MNAT1: variants seen among roughly 807,000 people sequenced by gnomAD.
MNAT1 encodes MNAT1 component of CDK activating kinase, also known as CDK-activating kinase assembly factor MAT1.
In MNAT1, 43 loss-of-function variants were observed where a neutral mutation model predicts 42.0. That is an observed-to-expected ratio of 1.02 (90% CI 0.80 to 1.32). The LOEUF (loss-of-function observed/expected upper bound fraction) is 1.32. Among genes scored for constraint, MNAT1 ranks in the 40% most tolerant of loss-of-function variants. The pLI, the probability that MNAT1 is intolerant of heterozygous loss-of-function variation, is 0.00. For synonymous variants in MNAT1, 118 were observed against 120.0 expected (o/e 0.98, Z 0.11); for missense variants, 306 against 350.4 (o/e 0.87, Z 1.01).
intron 3 of MNAT1, among the ~76,000 whole-genome samples, chr14:60,804,808 A>G (rs2032318394): frequency 6.6e-6 from 1 of 152,232 alleles, no homozygotes; most frequent in Non-Finnish European, 1.5e-5. Flanking sequence ...GTTTTTGATA[A>G]GCATAAAAGA....
At chr14:60,778,787 C>T (rs1362705084) in intron 1 of MNAT1, among the ~76,000 whole-genome samples, 1 of 152,158 alleles carries the variant, frequency 6.6e-6, no homozygotes, top group African/African-American at 2.4e-5. Flanking sequence ...TGATCCTCTA[C>T]AAGGATGGGT....
chr14:60,968,764 C>G lies in MNAT1; in HGVS notation c.*415C>G. ...TGATTACAACATTTACTGTTAATATCCAAGTCTATTATTTCTTCTCATAAA... is the reference window on the plus strand; with the variant it reads ...TGATTACAACATTTACTGTTAATATGCAAGTCTATTATTTCTTCTCATAAA... On this transcript the variant is annotated 3_prime_UTR_variant, in exon 8 of 8. Transcript: ENST00000261245. 1 of 276,744 alleles carries G rather than the reference C, an allele frequency of 3.6e-6. No individual in the cohort carries two copies. The highest frequency in any genetic ancestry group is 6.9e-6 in the Non-Finnish European group (1 of 144,438). 17.1% of individuals were successfully genotyped at this position (276,744 alleles called of 1,614,324 possible).
chr14:60,851,381 A>G (rs2033816158), intron 6 of MNAT1, among the ~76,000 whole-genome samples: 1 of 151,868 alleles, frequency 6.6e-6, no homozygotes, highest in African/African-American at 2.4e-5. Flanking sequence ...TGCTCTGCAG[A>G]TACTGCGTTT....
chr14:60,910,233 A>G (rs1462114775), intron 7 of MNAT1, among the ~76,000 whole-genome samples: 2 of 152,176 alleles, frequency 1.3e-5, no homozygotes, highest in Non-Finnish European at 2.9e-5. Flanking sequence ...GGCCGAGATG[A>G]TGGGGTTTTC....
intron 6 of MNAT1, among the ~76,000 whole-genome samples, chr14:60,869,040 A>ATATATATATATAT (rs1465360826): frequency 5.3e-5 from 6 of 113,056 alleles, no homozygotes; most frequent in African/African-American, 1.0e-4. Context: ...ATATATATAT[A>ATATATATATATAT]TTTTTTTTTT....
chr14:60,765,646 A>G (rs2030785215), intron 1 of MNAT1, among the ~76,000 whole-genome samples: 1 of 152,228 alleles, frequency 6.6e-6, no homozygotes, highest in Non-Finnish European at 1.5e-5. Context: ...ATTAAAAAAC[A>G]ATAGAGCTTT....
chr14:60,944,633 C>T (rs1259390136), intron 7 of MNAT1, among the ~76,000 whole-genome samples: 2 of 152,136 alleles, frequency 1.3e-5, no homozygotes, highest in East Asian at 3.8e-4. Context: ...CCCCATAGTA[C>T]TGGTCTCAGG....
chr14:60,861,341 A>G (rs1283139900), intron 6 of MNAT1, among the ~76,000 whole-genome samples: 1 of 152,168 alleles, frequency 6.6e-6, no homozygotes, highest in African/African-American at 2.4e-5. Flanking sequence ...AAGGATATAA[A>G]TTATTTAAAA....
chr14:60,913,316 C>T (rs1055305488), intron 7 of MNAT1, among the ~76,000 whole-genome samples: 1 of 152,096 alleles, frequency 6.6e-6, no homozygotes, highest in Non-Finnish European at 1.5e-5. Context: ...TGAAGCCTTC[C>T]TCTCTCAACT....
intron 6 of MNAT1, among the ~76,000 whole-genome samples, chr14:60,826,731 T>G (rs1056814060): frequency 1.3e-5 from 2 of 152,216 alleles, no homozygotes; most frequent in African/African-American, 2.4e-5. Context: ...TTTGATCTAT[T>G]TGGTTCAAAT....
intron 4 of MNAT1, among the ~76,000 whole-genome samples, chr14:60,810,517 C>G (rs893765515): frequency 1.3e-5 from 2 of 151,988 alleles, no homozygotes; most frequent in African/African-American, 4.8e-5. Context: ...TTTTGTATCC[C>G]TCAAGTTTTG....
At chr14:60,754,047 A>G (rs1594725568) in intron 1 of MNAT1, 1 of 152,202 alleles carries the variant, frequency 6.6e-6, no homozygotes, top group East Asian at 1.9e-4. Flanking sequence ...CCTTCTACTA[A>G]CCGCCAAGTC....
At chr14:60,803,849 G>A (rs1470682743) in intron 3 of MNAT1, among the ~76,000 whole-genome samples, 1 of 152,064 alleles carries the variant, frequency 6.6e-6, no homozygotes, top group Admixed American at 6.6e-5. Flanking sequence ...TTTAATAATA[G>A]CATCAAACAT....
intron 1 of MNAT1, among the ~76,000 whole-genome samples, chr14:60,754,638 C>T (rs975418527): frequency 2.6e-5 from 4 of 152,158 alleles, no homozygotes; most frequent in South Asian, 2.1e-4. Flanking sequence ...CGTGAGCCAC[C>T]GCGCCTGGCA....
intron 6 of MNAT1, among the ~76,000 whole-genome samples, chr14:60,835,078 C>CA (rs1555378581): frequency 6.7e-6 from 1 of 149,022 alleles, no homozygotes; most frequent in Non-Finnish European, 1.5e-5. Flanking sequence ...TCAAGCCTGG[C>CA]TTTTTTTTGC....
At chr14:60,953,786 C>T (rs2036428508) in intron 7 of MNAT1, among the ~76,000 whole-genome samples, 1 of 152,096 alleles carries the variant, frequency 6.6e-6, no homozygotes, top group Non-Finnish European at 1.5e-5. Context: ...CTTGCGAACC[C>T]TTGTTATATA....
At chr14:60,738,979 G>C (rs1029461982) in intron 1 of MNAT1, among the ~76,000 whole-genome samples, 10 of 152,090 alleles carry the variant, frequency 6.6e-5, no homozygotes, top group Non-Finnish European at 1.5e-5. Context: ...ATTCTGGCTC[G>C]GTCTTAGGAT....
chr14:60,927,743 G>A (rs1175077158), intron 7 of MNAT1, among the ~76,000 whole-genome samples: 1 of 152,030 alleles, frequency 6.6e-6, no homozygotes, highest in Non-Finnish European at 1.5e-5. Flanking sequence ...CTCTACCCAC[G>A]GTGAGGCTGT....
intron 1 of MNAT1, among the ~76,000 whole-genome samples, chr14:60,785,878 G>A (rs1332474273): frequency 6.6e-6 from 1 of 152,022 alleles, no homozygotes; most frequent in African/African-American, 2.4e-5. Flanking sequence ...TTGACTAGTT[G>A]TTATATTTTA....
Sources: gnomAD v4.1 joint callset for allele counts (sites outside exome capture counted in the v4.1 genomes callset) on GRCh38, gnomAD v4.1.1 for gene constraint, MANE v1.5 for transcripts, NCBI Gene and HGNC (gene_info 2026-07-23, HGNC 2026-07-21) for gene names.